Variants in ZDHHC2 observed in about 807,000 individuals in gnomAD.
ZDHHC2 encodes zDHHC palmitoyltransferase 2.
ZDHHC2 carries 51 observed loss-of-function variants against 55.6 expected under a neutral mutation model. That is an observed-to-expected ratio of 0.92 (90% CI 0.73 to 1.16). The LOEUF (loss-of-function observed/expected upper bound fraction) is 1.16, where lower values mean the gene tolerates loss of function less well. Among genes scored for constraint, ZDHHC2 ranks in the 50% most tolerant of loss-of-function variants. ZDHHC2 has a pLI of 0.00. For missense variants in ZDHHC2, 491 were observed against 442.4 expected, an observed-to-expected ratio of 1.11 and a Z score of -0.99; for synonymous variants, 199 against 152.9, an observed-to-expected ratio of 1.30 and a Z score of -2.22.
chr8:17,197,494 T>C (rs1208484360), intron 4 of ZDHHC2, 88 bp from the exon 5 acceptor site: 1 of 1,146,582 alleles, frequency 8.7e-7, no homozygotes, highest in African/African-American at 1.6e-5. Flanking sequence ...CTTTTTAAAA[T>C]TTAAATTTGG....
chr8:17,192,559 C>T (rs1161209391), intron 3 of ZDHHC2, among the ~76,000 whole-genome samples: 1 of 152,144 alleles, frequency 6.6e-6, no homozygotes, highest in Non-Finnish European at 1.5e-5. Context: ...AATACTTTCT[C>T]CCATTCTGTG....
At chr8:17,198,519 G>A (rs1473844486) in intron 6 of ZDHHC2, 106 bp downstream of exon 6, 20 of 1,035,124 alleles carry the variant, frequency 1.9e-5, no homozygotes, top group Non-Finnish European at 2.5e-5. Flanking sequence ...TACTTGAGTT[G>A]ACATAGCAGG....
intron 1 of ZDHHC2, among the ~76,000 whole-genome samples, chr8:17,163,492 A>AT (rs1804456123): frequency 1.3e-5 from 2 of 152,102 alleles, no homozygotes; most frequent in African/African-American, 2.4e-5. Context: ...GTCCTCATTG[A>AT]TTTTTTTGTT....
At chr8:17,169,166 T>C (rs1418716110) in intron 1 of ZDHHC2, among the ~76,000 whole-genome samples, 1 of 152,174 alleles carries the variant, frequency 6.6e-6, no homozygotes, top group Non-Finnish European at 1.5e-5. Flanking sequence ...TATATGCCCT[T>C]GTAAACATGT....
At chr8:17,187,835 C>T (rs116216923) in intron 3 of ZDHHC2, among the ~76,000 whole-genome samples, 3,394 of 152,242 alleles carry the variant, frequency 0.022, 54 homozygotes, top group Middle Eastern at 0.048. Flanking sequence ...TATGTATCCC[C>T]CTGCCAAGCA....
chr8:17,165,818 A>T (rs1310141810), intron 1 of ZDHHC2, among the ~76,000 whole-genome samples: 2 of 152,250 alleles, frequency 1.3e-5, no homozygotes, highest in African/African-American at 2.4e-5. Flanking sequence ...AGAAGAACTC[A>T]TGAAATTTAA....
At position 17,186,694 on chromosome 8, in the gene ZDHHC2, T is replaced by G. The variant is rs117384348; in HGVS notation, c.252+269T>G. Among the ~76,000 whole-genome samples, 86 of 152,256 alleles carry G rather than the reference T, an allele frequency of 5.6e-4. 1 individual carries two copies. In the East Asian group the frequency reaches 0.016, roughly 28 times the overall value. ...TCAGACATCAGGATGGATGGATAGGTAGACAAAGATAGATAATAAAATAGA... is the reference window on the plus strand; with the variant it reads ...TCAGACATCAGGATGGATGGATAGGGAGACAAAGATAGATAATAAAATAGA... On this transcript the variant is annotated intron_variant, in intron 3 of 12. Transcript: ENST00000262096.
intron 6 of ZDHHC2, among the ~76,000 whole-genome samples, chr8:17,199,584 T>C (rs1246917920): frequency 1.6e-4 from 8 of 48,950 alleles, no homozygotes; most frequent in South Asian, 6.1e-4. Flanking sequence ...GTCTTCTTCT[T>C]CTTCTTTCTT....
At chr8:17,175,072 C>T (rs1286435303) in intron 1 of ZDHHC2, among the ~76,000 whole-genome samples, 1 of 152,114 alleles carries the variant, frequency 6.6e-6, no homozygotes, top group East Asian at 1.9e-4. Context: ...ATTTCTGGGC[C>T]ATTTTCCATC....
chr8:17,179,577 A>C (rs1373488265), intron 1 of ZDHHC2, among the ~76,000 whole-genome samples: 1 of 152,000 alleles, frequency 6.6e-6, no homozygotes, highest in African/African-American at 2.4e-5. Flanking sequence ...CCCAGCTAAA[A>C]AAAAAAGTTT....
At chr8:17,190,148 G>A (rs1041102562) in intron 3 of ZDHHC2, among the ~76,000 whole-genome samples, 1 of 151,796 alleles carries the variant, frequency 6.6e-6, no homozygotes, top group South Asian at 2.1e-4. Context: ...TAAGCTATTA[G>A]CTGATAAAAT....
intron 1 of ZDHHC2, among the ~76,000 whole-genome samples, chr8:17,175,229 G>A (rs17124170): frequency 0.14 from 21,078 of 152,114 alleles, 1,978 homozygotes; most frequent in African/African-American, 0.26. Context: ...TGGACAGGGC[G>A]TTGTGGGTTG....
intron 6 of ZDHHC2, among the ~76,000 whole-genome samples, chr8:17,200,854 G>A (rs888526795): frequency 6.6e-6 from 1 of 152,132 alleles, no homozygotes; most frequent in Non-Finnish European, 1.5e-5. Context: ...GAAGGTGAAT[G>A]AACTGACTGC....
intron 6 of ZDHHC2, among the ~76,000 whole-genome samples, chr8:17,202,780 C>A (rs1806863960): frequency 6.6e-6 from 1 of 151,712 alleles, no homozygotes; most frequent in African/African-American, 2.4e-5. Flanking sequence ...CATACACACA[C>A]ACATACTCTA....
rs765402242 is a variant in ZDHHC2, at chr8:17,215,219, T to C, written c.951-18T>C. The C allele has an allele frequency of 6.5e-7, 1 of 1,545,586 alleles. No homozygotes were observed. The highest frequency in any genetic ancestry group is 8.8e-7 in the Non-Finnish European group (1 of 1,142,602). The stretch of plus-strand genomic sequence containing the variant: ...ATTAGCTTATGATGATTTTGATGAT[T>C]ATTCAATTATTATTCAGTCTCGAAA... On this transcript the variant is annotated intron_variant, in intron 10 of 12. Coordinates refer to ENST00000262096, the MANE Select transcript of ZDHHC2 (RefSeq NM_016353.5).
chr8:17,198,398 A>T lies in ZDHHC2; in HGVS notation c.461A>T (p.Asp154Val). Residue 154 changes from aspartate (D) to valine (V), a missense_variant, in exon 6 of 13, where the codon GAT (aspartate) becomes GTT (valine). Asp to Val is a radical substitution (Grantham distance 152). Transcript: ENST00000262096. ...SVCDKCILKMDHHCPWVNNCV... is the reference protein window; with the variant it reads ...SVCDKCILKMVHHCPWVNNCV... ...TTTTTTAGATGTATTTTGAAGATGG[A>T]TCATCATTGTCCATGGTGAGTTGGC... 1 of 1,602,642 alleles carries T rather than the reference A, an allele frequency of 6.2e-7. No homozygotes were observed. Among genetic ancestry groups the T allele is most frequent in the Non-Finnish European group, 8.5e-7 (1 of 1,174,796 alleles).
intron 1 of ZDHHC2, among the ~76,000 whole-genome samples, chr8:17,168,870 A>G (rs1804728111): frequency 1.3e-5 from 2 of 152,014 alleles, no homozygotes; most frequent in African/African-American, 4.8e-5. Context: ...TCAGAATTTC[A>G]TTTTTTCAAA....
At chr8:17,181,247 T>C (rs551659352) in intron 1 of ZDHHC2, among the ~76,000 whole-genome samples, 38 of 152,350 alleles carry the variant, frequency 2.5e-4, no homozygotes, top group Middle Eastern at 6.8e-3. Context: ...AGTCAGTCTC[T>C]TACTCAGTAA....
intron 6 of ZDHHC2, among the ~76,000 whole-genome samples, chr8:17,199,997 C>A (rs570057983): frequency 6.6e-6 from 1 of 152,156 alleles, no homozygotes; most frequent in South Asian, 2.1e-4. Flanking sequence ...CCTTGTGATC[C>A]GCCCGCCTTG....
Sources: allele counts gnomAD v4.1 joint callset (sites outside exome capture counted in the v4.1 genomes callset), GRCh38; gene constraint gnomAD v4.1.1; transcripts MANE v1.5; gene names NCBI Gene and HGNC (gene_info 2026-07-23, HGNC 2026-07-21).